CAMK2A: variants seen among roughly 807,000 people sequenced by gnomAD.
CAMK2A encodes the protein calcium/calmodulin dependent protein kinase II alpha, also known as calcium/calmodulin-dependent protein kinase type II subunit alpha.
In CAMK2A, 7 loss-of-function variants were observed where a neutral mutation model predicts 79.2. That is an observed-to-expected ratio of 0.09 (90% CI 0.05 to 0.17). The LOEUF (loss-of-function observed/expected upper bound fraction) is 0.17. Ranked by LOEUF, CAMK2A falls within the 10% of genes least tolerant of loss-of-function variation. The probability of loss-of-function intolerance (pLI) is 1.00; values close to 1 mark genes in which losing one functional copy is unlikely to be tolerated. For synonymous variants in CAMK2A, 242 were observed against 251.7 expected, an observed-to-expected ratio of 0.96 and a Z score of 0.36; for missense variants, 214 against 646.4, an observed-to-expected ratio of 0.33 and a Z score of 7.25.
At chr5:150,266,322 G>A (rs1756512694) in intron 2 of CAMK2A, among the ~76,000 whole-genome samples, 1 of 152,184 alleles carries the variant, frequency 6.6e-6, no homozygotes, top group African/African-American at 2.4e-5. Context: ...CCATTTTATA[G>A]ATAAGGAAAC....
chr5:150,267,700 A>G (rs73268720), intron 2 of CAMK2A, among the ~76,000 whole-genome samples: 4,127 of 152,136 alleles, frequency 0.027, 181 homozygotes, highest in African/African-American at 0.093. Context: ...TGTAGGGACC[A>G]TGTTTCTTTT....
At chr5:150,262,746 A>G (rs1287148758) in intron 3 of CAMK2A, among the ~76,000 whole-genome samples, 4 of 152,198 alleles carry the variant, frequency 2.6e-5, no homozygotes, top group Admixed American at 1.3e-4. Flanking sequence ...CCCTCCCAAC[A>G]GTCCTAGAAG....
intron 3 of CAMK2A, among the ~76,000 whole-genome samples, chr5:150,258,752 C>T (rs904307345): frequency 3.3e-5 from 5 of 152,130 alleles, no homozygotes; most frequent in Non-Finnish European, 7.4e-5. Flanking sequence ...AATATTGAGT[C>T]CCCTGAATTG....
chr5:150,221,710 C>T lies in CAMK2A; in HGVS notation c.*1000G>A. ...TCCCCGGAGCTGAGTCCACCTTGGC[C>T]CCAATAACCACAGGTGACAAGGTCC... On this transcript the variant is annotated 3_prime_UTR_variant, in exon 19 of 19. Transcript: ENST00000671881. 2.5e-6 allele frequency: 1 copy of T among 395,642 alleles called. No homozygotes were observed. Among genetic ancestry groups the T allele is most frequent in the Non-Finnish European group, 4.4e-6 (1 of 225,112 alleles). 24.5% of individuals were successfully genotyped at this position (395,642 alleles called of 1,614,324 possible). A position where few individuals can be genotyped will look rare whatever the true frequency, so the allele number is the denominator to read the frequency against.
intron 3 of CAMK2A, among the ~76,000 whole-genome samples, chr5:150,264,718 C>CTGA (rs150724527): frequency 4.2e-5 from 4 of 96,362 alleles, no homozygotes; most frequent in Admixed American, 1.8e-4. Context: ...AACAGCTTTT[C>CTGA]CGGAGGCTGC....
At chr5:150,233,537 C>G (rs951071976) in intron 15 of CAMK2A, among the ~76,000 whole-genome samples, 6 of 152,154 alleles carry the variant, frequency 3.9e-5, no homozygotes, top group Non-Finnish European at 8.8e-5. Context: ...TCTCTGGGGA[C>G]TTTCCTGGGG....
At chr5:150,270,201 T>C (rs1158100774) in intron 2 of CAMK2A, among the ~76,000 whole-genome samples, 10 of 152,348 alleles carry the variant, frequency 6.6e-5, no homozygotes, top group East Asian at 1.9e-4. Flanking sequence ...TTACTGATGA[T>C]AGGATTTTTT....
Position 150,223,487 on chromosome 5 carries a change from C to T in CAMK2A, c.1238-270G>A, listed in dbSNP as rs1055652641. 3.3e-5 allele frequency among the ~76,000 whole-genome samples: 5 copies of T among 152,126 alleles called. No individual in the cohort carries two copies. The highest frequency in any genetic ancestry group is 4.8e-5 in the African/African-American group (2 of 41,400). On this transcript the variant is annotated intron_variant, in intron 17 of 18. Coordinates refer to ENST00000671881, the MANE Select transcript of CAMK2A (RefSeq NM_015981.4). This position sits in a 1 kb window ranked among gnomAD's most constrained non-coding sequence, Gnocchi z 4.1. ...GAAAATGGAATGTTTGAATCATGACCGTTAGCCACATGGAATAAGCCTAGA... is the reference window on the plus strand; with the variant it reads ...GAAAATGGAATGTTTGAATCATGACTGTTAGCCACATGGAATAAGCCTAGA...
intron 14 of CAMK2A, 55 bp from the exon 15 acceptor site, chr5:150,238,803 T>A: frequency 2.0e-6 from 3 of 1,477,200 alleles, no homozygotes; most frequent in Non-Finnish European, 2.7e-6. Flanking sequence ...GGACGAGGCA[T>A]GGCCAGGCCC....
At chr5:150,264,916 G>A (rs1032999943) in intron 3 of CAMK2A, 40 bp downstream of exon 3, 7 of 1,567,016 alleles carry the variant, frequency 4.5e-6, no homozygotes, top group East Asian at 4.5e-5. Context: ...GGGGAGCAGG[G>A]CCTGGCTCCC....
intron 13 of CAMK2A, among the ~76,000 whole-genome samples, chr5:150,243,609 G>A (rs942699320): frequency 1.3e-5 from 2 of 152,178 alleles, no homozygotes; most frequent in Admixed American, 6.5e-5. Flanking sequence ...GAGAAAACTT[G>A]GTTTTCAAGA....
At chr5:150,289,509 GACCC>G in intron 1 of CAMK2A, 51 bp downstream of exon 1, 2 of 1,387,048 alleles carry the variant, frequency 1.4e-6, no homozygotes, top group Non-Finnish European at 1.0e-6. Flanking sequence ...CCCCACTAGA[GACCC>G]TGACCTCCCC....
Position 150,223,333 on chromosome 5 carries a change from T to G in CAMK2A, c.1238-116A>C. The G allele has an allele frequency of 2.5e-6, 2 of 799,874 alleles. No homozygotes were observed. Among genetic ancestry groups the G allele is most frequent in the South Asian group, 3.3e-5 (2 of 59,730 alleles). The allele number at this position is 799,874 out of a possible 1,614,324, so 49.5% of individuals were successfully genotyped here. ...AATGGAGGCGCCCTGCCTGACTCAT[T>G]TGCAGGGAAGGGGCCTGTGTGGCAG... On this transcript the variant is annotated intron_variant, in intron 17 of 18. Transcript: ENST00000671881. The surrounding 1 kb of genome is among the most constrained non-coding windows in gnomAD (Gnocchi z 4.1).
intron 13 of CAMK2A, 92 bp downstream of exon 13, chr5:150,245,069 A>G: frequency 7.7e-7 from 1 of 1,302,190 alleles, no homozygotes; most frequent in Non-Finnish European, 1.1e-6. Context: ...ACCATCAGCA[A>G]GGCCCGGGTC....
At chr5:150,248,465 C>T (rs949079491) in intron 11 of CAMK2A, among the ~76,000 whole-genome samples, 2 of 148,344 alleles carry the variant, frequency 1.3e-5, no homozygotes, top group Non-Finnish European at 3.0e-5. Context: ...AGGTATATCT[C>T]CTAATGCTAT....
At chr5:150,255,559 C>T (rs1226260675) in intron 6 of CAMK2A, among the ~76,000 whole-genome samples, 1 of 152,230 alleles carries the variant, frequency 6.6e-6, no homozygotes, top group Non-Finnish European at 1.5e-5. Context: ...GAGGTTTGGT[C>T]TCTGTGTGGT....
intron 7 of CAMK2A, among the ~76,000 whole-genome samples, chr5:150,253,239 G>T (rs1401447153): frequency 4.6e-5 from 7 of 152,190 alleles, no homozygotes; most frequent in Non-Finnish European, 8.8e-5. Flanking sequence ...AAGGCCGTAG[G>T]GTCCCATGCC....
chr5:150,228,835 T>G (rs116156248), intron 16 of CAMK2A, among the ~76,000 whole-genome samples: 1 of 152,348 alleles, frequency 6.6e-6, no homozygotes, highest in Non-Finnish European at 1.5e-5. Context: ...GCCTTGGCTG[T>G]GAGCCTCAGT....
chr5:150,269,934 G>T (rs1046633587), intron 2 of CAMK2A, among the ~76,000 whole-genome samples: 2 of 152,172 alleles, frequency 1.3e-5, no homozygotes, highest in South Asian at 4.1e-4. Context: ...CTCCCCACCT[G>T]GTGCCCCGAG....
Sources: gnomAD v4.1 joint callset for allele counts (sites outside exome capture counted in the v4.1 genomes callset) on GRCh38, gnomAD v4.1.1 for gene constraint, Gnocchi (gnomAD v3.1) non-coding constraint, MANE v1.5 for transcripts, NCBI Gene and HGNC (gene_info 2026-07-23, HGNC 2026-07-21) for gene names.